SERGEF: variants seen among roughly 807,000 people sequenced by gnomAD.
SERGEF encodes the protein secretion-regulating guanine nucleotide exchange factor.
SERGEF carries 51 observed loss-of-function variants against 50.0 expected under a neutral mutation model. The observed-to-expected ratio is 1.02, with a 90% CI of 0.81 to 1.29. The LOEUF is 1.29. Among genes scored for constraint, SERGEF ranks in the 50% most tolerant of loss-of-function variants. The pLI, the probability that SERGEF is intolerant of heterozygous loss-of-function variation, is 0.00. For synonymous variants in SERGEF, 205 were observed against 212.4 expected (o/e 0.97, Z 0.30); for missense variants, 521 against 557.0 (o/e 0.94, Z 0.65).
chr11:17,832,365 C>T (rs1433451800), intron 10 of SERGEF, among the ~76,000 whole-genome samples: 1 of 152,216 alleles, frequency 6.6e-6, no homozygotes, highest in Non-Finnish European at 1.5e-5. Flanking sequence ...CTCATCCTTG[C>T]CTTCCGCCAT....
chr11:17,907,523 A>G (rs1851871708), intron 9 of SERGEF, among the ~76,000 whole-genome samples: 6 of 152,194 alleles, frequency 3.9e-5, no homozygotes, highest in Admixed American at 3.3e-4. Context: ...AAGATCTTCT[A>G]TTCTAAAAAT....
intron 10 of SERGEF, 138 bp downstream of exon 10, chr11:17,878,070 A>G (rs1053249630): frequency 1.5e-6 from 1 of 654,164 alleles, no homozygotes; most frequent in Non-Finnish European, 2.7e-6. Flanking sequence ...TGGTCAACCA[A>G]AAACTTCCAT....
intron 9 of SERGEF, among the ~76,000 whole-genome samples, chr11:17,958,254 G>T (rs1458636021): frequency 1.3e-5 from 2 of 152,160 alleles, no homozygotes; most frequent in Non-Finnish European, 2.9e-5. Flanking sequence ...TATGAAGAGG[G>T]TTGTCATTAG....
intron 10 of SERGEF, among the ~76,000 whole-genome samples, chr11:17,811,227 G>C (rs1432903890): frequency 6.6e-6 from 1 of 152,210 alleles, no homozygotes; most frequent in African/African-American, 2.4e-5. Context: ...CAGTACATTA[G>C]GGTTACAGCC....
At chr11:17,903,388 C>G (rs1303867835) in intron 9 of SERGEF, among the ~76,000 whole-genome samples, 1 of 152,138 alleles carries the variant, frequency 6.6e-6, no homozygotes, top group East Asian at 1.9e-4. Context: ...GGCCTGGGGA[C>G]AGAAGATAAT....
chr11:18,006,811 A>G (rs1854084482), intron 2 of SERGEF, 65 bp from the exon 3 acceptor site: 1 of 1,557,322 alleles, frequency 6.4e-7, no homozygotes, highest in Non-Finnish European at 8.8e-7. Context: ...AAATGAACAA[A>G]AAGATTTCAC....
intron 8 of SERGEF, among the ~76,000 whole-genome samples, chr11:17,987,387 G>A (rs549852748): frequency 3.9e-5 from 6 of 152,314 alleles, no homozygotes; most frequent in African/African-American, 1.4e-4. Context: ...ACAAAAGAGA[G>A]ATATCAACAA....
chr11:17,930,365 G>A (rs978215145), intron 9 of SERGEF, among the ~76,000 whole-genome samples: 3 of 152,186 alleles, frequency 2.0e-5, no homozygotes, highest in Admixed American at 6.5e-5. Context: ...TTCAGGCACA[G>A]GAATAAGGGA....
Position 17,984,019 on chromosome 11 carries a change from G to A in SERGEF, c.844+4578C>T, listed in dbSNP as rs144959171. On this transcript the variant is annotated intron_variant, in intron 8 of 10. Coordinates refer to ENST00000265965, the MANE Select transcript of SERGEF (RefSeq NM_012139.4). ...GCATGGTGAGAAATGGGACTGGAAA[G>A]GTCAGCAGACATCAGATTACATAGG... Among the ~76,000 whole-genome samples the A allele has an allele frequency of 8.5e-4, 129 of 152,204 alleles. 1 individual carries two copies. In the East Asian group the frequency reaches 0.024, roughly 28 times the overall value.
At chr11:17,803,605 C>T (rs1849708821) in intron 10 of SERGEF, among the ~76,000 whole-genome samples, 2 of 152,194 alleles carry the variant, frequency 1.3e-5, no homozygotes, top group South Asian at 4.1e-4. Flanking sequence ...GCACAGACTC[C>T]ATCACGTGAC....
Position 17,991,474 on chromosome 11 carries a change from C to T in SERGEF, c.685+1457G>A, listed in dbSNP as rs1853710225. Among the ~76,000 whole-genome samples, 1 of 152,170 alleles carries T rather than the reference C, an allele frequency of 6.6e-6. No individual in the cohort carries two copies. The highest frequency in any genetic ancestry group is 6.5e-5 in the Admixed American group (1 of 15,276). On this transcript the variant is annotated intron_variant, in intron 7 of 10. Transcript: ENST00000265965. This position sits in a 1 kb window ranked among gnomAD's most constrained non-coding sequence, Gnocchi z 4.9. ...CTCAGAAAAGAATGCCTTCTCCATC[C>T]CTCATTGACTGTGGGGCACGAACAC... is the stretch of plus-strand genomic sequence containing the variant.
intron 9 of SERGEF, among the ~76,000 whole-genome samples, chr11:17,958,544 C>A (rs1852922177): frequency 6.6e-6 from 1 of 152,092 alleles, no homozygotes; most frequent in Non-Finnish European, 1.5e-5. Context: ...GAATAAGCAA[C>A]TGAACTACAG....
intron 10 of SERGEF, among the ~76,000 whole-genome samples, chr11:17,851,090 T>C (rs1850702241): frequency 6.6e-6 from 1 of 152,218 alleles, no homozygotes; most frequent in African/African-American, 2.4e-5. Context: ...AGGGCAGTAT[T>C]TCCTCTGCTG....
chr11:17,970,445 A>C (rs188397), intron 8 of SERGEF, among the ~76,000 whole-genome samples: 97,760 of 151,956 alleles, frequency 0.64, 32,050 homozygotes, highest in African/African-American at 0.78. Context: ...TCCGGAGACA[A>C]AACAATATTG....
chr11:17,817,212 TA>T (rs1449831879), intron 10 of SERGEF, among the ~76,000 whole-genome samples: 2 of 130,620 alleles, frequency 1.5e-5, no homozygotes, highest in African/African-American at 5.8e-5. Context: ...ACTTTCCATG[TA>T]TTTTTTTTTT....
chr11:18,001,794 A>AAT (rs1853966935), intron 4 of SERGEF, among the ~76,000 whole-genome samples: 1 of 152,208 alleles, frequency 6.6e-6, no homozygotes, highest in African/African-American at 2.4e-5. Context: ...CACTTCTCTA[A>AAT]ATATGCTCTA....
intron 10 of SERGEF, among the ~76,000 whole-genome samples, chr11:17,807,203 C>T (rs930012779): frequency 6.6e-6 from 1 of 152,146 alleles, no homozygotes. Context: ...GTAAGGGTTG[C>T]CTGGAATGTC....
At chr11:17,903,069 C>G (rs517436) in intron 9 of SERGEF, among the ~76,000 whole-genome samples, 82,651 of 152,162 alleles carry the variant, frequency 0.54, 23,692 homozygotes, top group African/African-American at 0.74. Context: ...GCAGCTTTAG[C>G]TTGGTCATTT....
In SERGEF at chr11:17,888,628, TACACAC is replaced by T. The variant is rs58279017; in HGVS notation, c.1012-10390_1012-10385del. On this transcript the variant is annotated intron_variant, in intron 9 of 10. Coordinates refer to ENST00000265965, the MANE Select transcript of SERGEF (RefSeq NM_012139.4). This position sits in a 1 kb window ranked among gnomAD's most constrained non-coding sequence, Gnocchi z 4.1. ...AGTTATCAGTATGAACTCACAGTTT[TACACAC>T]ACACACACACACACACACACACACA... Among the ~76,000 whole-genome samples the T allele has an allele frequency of 0.079, 11,338 of 143,598 alleles. 457 individuals are homozygous for T. The highest frequency in any genetic ancestry group is 0.13 in the East Asian group (599 of 4,632). The allele number at this position is 143,598 out of a possible 152,430, so 94.2% of individuals were successfully genotyped here.
Sources: allele counts gnomAD v4.1 joint callset (sites outside exome capture counted in the v4.1 genomes callset), GRCh38; gene constraint gnomAD v4.1.1; non-coding constraint Gnocchi (gnomAD v3.1); transcripts MANE v1.5; gene names NCBI Gene and HGNC (gene_info 2026-07-23, HGNC 2026-07-21).